HECW2: variants seen among roughly 807,000 people sequenced by gnomAD.
The protein encoded by HECW2 is HECT, C2 and WW domain containing E3 ubiquitin protein ligase 2.
A neutral mutation model predicts 175.2 loss-of-function variants in HECW2; 61 were observed. That is an observed-to-expected ratio of 0.35 (90% confidence interval 0.28 to 0.43). The LOEUF is 0.43. HECW2 is among the 20% of genes least tolerant of loss of function. The pLI is 1.00. For synonymous variants in HECW2, 671 were observed against 731.0 expected (o/e 0.92, Z 1.32); for missense variants, 1,524 against 2,000.5 (o/e 0.76, Z 4.54).
intron 1 of HECW2, among the ~76,000 whole-genome samples, chr2:196,520,577 T>C (rs1328688994): frequency 1.3e-5 from 2 of 152,206 alleles, no homozygotes; most frequent in Non-Finnish European, 2.9e-5. Flanking sequence ...TGGAATGAAG[T>C]CTAAAAGTTG....
intron 1 of HECW2, among the ~76,000 whole-genome samples, chr2:196,454,151 G>C (rs751464689): frequency 6.2e-4 from 94 of 152,028 alleles, no homozygotes; most frequent in Non-Finnish European, 1.2e-3. Context: ...GTAGAAACAG[G>C]GTTCCACCAT....
chr2:196,255,848 G>A (rs905808027), intron 18 of HECW2, among the ~76,000 whole-genome samples: 17 of 152,186 alleles, frequency 1.1e-4, no homozygotes, highest in Non-Finnish European at 1.9e-4. Context: ...CGAGGAGGGC[G>A]GATTGCCTGA....
At chr2:196,347,726 C>T (rs1693009998) in intron 2 of HECW2, among the ~76,000 whole-genome samples, 1 of 152,178 alleles carries the variant, frequency 6.6e-6, no homozygotes, top group Non-Finnish European at 1.5e-5. Flanking sequence ...AGTGACCATC[C>T]TTTGGCCTTC....
At chr2:196,352,567 C>T (rs1383129577) in intron 2 of HECW2, among the ~76,000 whole-genome samples, 1 of 146,194 alleles carries the variant, frequency 6.8e-6, no homozygotes, top group African/African-American at 2.7e-5. Flanking sequence ...TTGCTGTATC[C>T]TCTATAGCAG....
intron 2 of HECW2, among the ~76,000 whole-genome samples, chr2:196,423,684 TTGTGTGTGTGTGTG>T (rs60030164): frequency 4.3e-5 from 6 of 140,046 alleles, no homozygotes; most frequent in African/African-American, 1.6e-4. Flanking sequence ...TAGTATTCCA[TTGTGTGTGTGTGTG>T]TGTGTGTGTG....
intron 2 of HECW2, among the ~76,000 whole-genome samples, chr2:196,413,079 A>G (rs566579900): frequency 6.6e-5 from 10 of 152,322 alleles, no homozygotes; most frequent in Admixed American, 3.9e-4. Flanking sequence ...AGAGCTGGGC[A>G]TGATAGCTCT....
At chr2:196,316,504 T>TA (rs1261922307) in intron 10 of HECW2, 2 of 152,206 alleles carry the variant, frequency 1.3e-5, no homozygotes, top group Admixed American at 6.5e-5. Flanking sequence ...GTGTTTTTTT[T>TA]AAAGCAATGT....
At chr2:196,403,944 C>A (rs1694888390) in intron 2 of HECW2, among the ~76,000 whole-genome samples, 1 of 152,152 alleles carries the variant, frequency 6.6e-6, no homozygotes, top group Admixed American at 6.5e-5. Flanking sequence ...CTATAGAACC[C>A]AGAATTTCTT....
At chr2:196,265,287 C>G (rs1689467172) in intron 17 of HECW2, among the ~76,000 whole-genome samples, 1 of 152,194 alleles carries the variant, frequency 6.6e-6, no homozygotes, top group Admixed American at 6.5e-5. Flanking sequence ...GAGTTCAAGA[C>G]TGGCCTGGCC....
Position 196,197,016 on chromosome 2 carries a change from G to A in HECW2, c.*4261C>T, listed in dbSNP as rs1332028149. The A allele has an allele frequency of 6.6e-6, 1 of 151,988 alleles. No individual in the cohort carries two copies. The highest frequency in any genetic ancestry group is 1.5e-5 in the Non-Finnish European group (1 of 68,058). The allele number at this position is 151,988 out of a possible 1,614,324, so 9.4% of individuals were successfully genotyped here. A position where few individuals can be genotyped will look rare whatever the true frequency, so the allele number is the denominator to read the frequency against. ...GGAGGATCGCTTGAGCCTGGGAGGT[G>A]GAGGTTGCAGTGAGCTCATGTGCCA... is the stretch of plus-strand genomic sequence containing the variant. On this transcript the variant is annotated 3_prime_UTR_variant, in exon 29 of 29. Transcript: ENST00000644978.
intron 1 of HECW2, among the ~76,000 whole-genome samples, chr2:196,574,137 A>G (rs973600864): frequency 1.3e-5 from 2 of 151,474 alleles, no homozygotes; most frequent in Non-Finnish European, 2.9e-5. Flanking sequence ...GCGACAAAAA[A>G]CAAAATACTT....
At chr2:196,490,516 C>T (rs1385638070) in intron 1 of HECW2, among the ~76,000 whole-genome samples, 2 of 152,082 alleles carry the variant, frequency 1.3e-5, no homozygotes, top group Non-Finnish European at 2.9e-5. Context: ...AAATGCAAGA[C>T]AGAAAAGTCA....
rs1381071754 is a variant in HECW2 at position 196,307,960 on chromosome 2, G to C, written c.2560C>G (p.Gln854Glu). ...CGCCGGTTCAGCTGCTCCATTTGCTGTATGGAGTTAGATCTCTGCAGCACC... is the reference window on the plus strand; with the variant it reads ...CGCCGGTTCAGCTGCTCCATTTGCTCTATGGAGTTAGATCTCTGCAGCACC... Reference protein sequence around the residue: ...PQVLQRSNSIQQMEQLNRRYQ... With the variant: ...PQVLQRSNSIEQMEQLNRRYQ... Residue 854 changes from glutamine to glutamate, a missense_variant, in exon 11 of 29, where the codon CAG becomes GAG. By Grantham distance (29) the Gln-to-Glu change is conservative. Around this residue, in one of 11 missense-constraint regions of HECW2, gnomAD observed 82 missense variants for 124.4 expected, o/e 0.66. Transcript: ENST00000644978. The C allele has an allele frequency of 6.3e-7, 1 of 1,579,530 alleles. No homozygotes were observed. Among genetic ancestry groups the C allele is most frequent in the Non-Finnish European group, 8.6e-7 (1 of 1,156,390 alleles).
At chr2:196,408,880 C>T (rs147312844) in intron 2 of HECW2, among the ~76,000 whole-genome samples, 117 of 152,210 alleles carry the variant, frequency 7.7e-4, no homozygotes, top group African/African-American at 2.7e-3. Context: ...AATTTATCTC[C>T]CATCGCCATA....
At chr2:196,538,860 G>A (rs928089848) in intron 1 of HECW2, among the ~76,000 whole-genome samples, 2 of 152,112 alleles carry the variant, frequency 1.3e-5, no homozygotes, top group African/African-American at 4.8e-5. Context: ...CTAGGAACCA[G>A]CCGCCTCCTC....
At chr2:196,404,978 C>T (rs1260033241) in intron 2 of HECW2, among the ~76,000 whole-genome samples, 3 of 123,332 alleles carry the variant, frequency 2.4e-5, no homozygotes, top group African/African-American at 5.9e-5. Context: ...GTGTCCGCCA[C>T]CACTCCCGGC....
In HECW2 at chr2:196,278,135, T is replaced by A. The variant is rs187484292; in HGVS notation, c.3135+393A>T. 8.1e-3 allele frequency among the ~76,000 whole-genome samples: 792 copies of A among 97,468 alleles called. 72 individuals are homozygous for A. Among genetic ancestry groups the A allele is most frequent in the African/African-American group, 0.022 (695 of 31,060 alleles). The allele number at this position is 97,468 out of a possible 152,430, so 63.9% of individuals were successfully genotyped here. On this transcript the variant is annotated intron_variant, in intron 15 of 28. Transcript: ENST00000644978. ...TAGAACTTAAAGTATAATTAAAAAATATATATATATATATATAAAGAAATT... is the reference window on the plus strand; with the variant it reads ...TAGAACTTAAAGTATAATTAAAAAAAATATATATATATATATAAAGAAATT...
At position 196,405,700 on chromosome 2, in the gene HECW2, T is replaced by C. The variant is rs150118452; in HGVS notation, c.292+27432A>G. ...GATCATATTCATTAATGTGCAAACA[T>C]ACCAGATATCTTTACTTTGTTCTGA... On this transcript the variant is annotated intron_variant, in intron 2 of 28. Transcript: ENST00000644978. Among the ~76,000 whole-genome samples, 47 of 152,290 alleles carry C rather than the reference T, an allele frequency of 3.1e-4. 1 individual carries two copies. The East Asian group carries it at 9.1e-3, about 29-fold the overall frequency.
chr2:196,492,934 A>G (rs1687253668), intron 1 of HECW2, among the ~76,000 whole-genome samples: 1 of 152,242 alleles, frequency 6.6e-6, no homozygotes, highest in Non-Finnish European at 1.5e-5. Flanking sequence ...TGTTAACTTT[A>G]ATAAACGTCT....
Sources: allele counts gnomAD v4.1 joint callset (sites outside exome capture counted in the v4.1 genomes callset), GRCh38; gene constraint gnomAD v4.1.1; regional missense constraint gnomAD v4.1.1; transcripts MANE v1.5; gene names NCBI Gene and HGNC (gene_info 2026-07-23, HGNC 2026-07-21).